The following IGSF11 variants were observed in gnomAD, a reference collection of about 807,000 sequenced individuals.
IGSF11 encodes CXADR like 1.
In IGSF11, 22 loss-of-function variants were observed where a neutral mutation model predicts 41.0. The ratio of observed to expected loss-of-function variants is 0.54; its 90% CI spans 0.38 to 0.77. IGSF11 has a LOEUF of 0.77. Ranked by LOEUF, IGSF11 falls within the 30% of genes least tolerant of loss-of-function variation. The pLI is 0.00. For synonymous variants in IGSF11, 219 were observed against 201.3 expected (o/e 1.09, Z -0.74); for missense variants, 444 against 530.8 (o/e 0.84, Z 1.61).
chr3:119,005,429 T>G (rs984404340), intron 1 of IGSF11, among the ~76,000 whole-genome samples: 89 of 151,400 alleles, frequency 5.9e-4, no homozygotes, highest in African/African-American at 2.1e-3. Context: ...CTCGCCAGTC[T>G]GTGTCTTTTA....
At chr3:119,021,655 C>T (rs1159384917) in intron 1 of IGSF11, among the ~76,000 whole-genome samples, 1 of 152,058 alleles carries the variant, frequency 6.6e-6, no homozygotes, top group Non-Finnish European at 1.5e-5. Context: ...TCCTTACCCC[C>T]GACTCTCATT....
At chr3:118,911,961 T>C (rs932165461) in intron 4 of IGSF11, among the ~76,000 whole-genome samples, 1 of 152,146 alleles carries the variant, frequency 6.6e-6, no homozygotes, top group Non-Finnish European at 1.5e-5. Context: ...CGAGAGATAA[T>C]CATCTCTCTT....
chr3:119,127,858 G>T (rs371359913), intron 1 of IGSF11, among the ~76,000 whole-genome samples: 1 of 152,142 alleles, frequency 6.6e-6, no homozygotes, highest in South Asian at 2.1e-4. Context: ...AAATGCTAAG[G>T]GATTTCATTA....
chr3:119,036,014 A>G (rs1017351566), upstream of IGSF11, among the ~76,000 whole-genome samples: 1 of 152,226 alleles, frequency 6.6e-6, no homozygotes, highest in Non-Finnish European at 1.5e-5. Context: ...AAGGATTGGA[A>G]GATATATGTA....
At chr3:119,132,878 AGCACAATCAAATTAAAACTT>A (rs1244538212) in intron 1 of IGSF11, among the ~76,000 whole-genome samples, 1 of 152,234 alleles carries the variant, frequency 6.6e-6, no homozygotes, top group Non-Finnish European at 1.5e-5. Flanking sequence ...CTCAGACCAC[AGCACAATCAAATTAAAACTT>A]AATACTAAGA....
At chr3:119,061,267 C>T (rs576349033) in intron 1 of IGSF11, among the ~76,000 whole-genome samples, 1 of 152,128 alleles carries the variant, frequency 6.6e-6, no homozygotes, top group Non-Finnish European at 1.5e-5. Flanking sequence ...CTTCTCAGTT[C>T]TATCTCTTAT....
At chr3:119,088,238 G>GAA (rs34566760) in intron 1 of IGSF11, among the ~76,000 whole-genome samples, 2 of 146,852 alleles carry the variant, frequency 1.4e-5, no homozygotes, top group African/African-American at 5.1e-5. Context: ...GGACCACGGT[G>GAA]AAAAAAAAAA....
At chr3:119,109,480 T>C (rs2077102880), upstream of IGSF11, among the ~76,000 whole-genome samples, 1 of 152,216 alleles carries the variant, frequency 6.6e-6, no homozygotes, top group Admixed American at 6.5e-5. Flanking sequence ...TCTTCTCTCT[T>C]TTTTTCTTTA....
At chr3:119,044,564 C>G (rs576444308) in intron 1 of IGSF11, among the ~76,000 whole-genome samples, 2 of 152,228 alleles carry the variant, frequency 1.3e-5, no homozygotes, top group East Asian at 1.9e-4. Context: ...CAAGGAACAC[C>G]TGGTAAGTTC....
At chr3:118,905,776 A>G in intron 4 of IGSF11, 58 bp from the exon 5 acceptor site, 1 of 1,595,268 alleles carries the variant, frequency 6.3e-7, no homozygotes, top group South Asian at 1.1e-5. Flanking sequence ...AAAACCAAAG[A>G]AATCAGCGGA....
chr3:119,107,762 C>G (rs1227123352), upstream of IGSF11, among the ~76,000 whole-genome samples: 6 of 151,904 alleles, frequency 3.9e-5, no homozygotes, highest in East Asian at 1.9e-4. Flanking sequence ...ATTAATTTTT[C>G]TATAAGGTGT....
intron 1 of IGSF11, among the ~76,000 whole-genome samples, chr3:119,100,080 ATTGT>A (rs766280297): frequency 6.6e-6 from 1 of 152,210 alleles, no homozygotes; most frequent in Non-Finnish European, 1.5e-5. Flanking sequence ...TAAAATATAA[ATTGT>A]TTATTTCTGG....
intron 1 of IGSF11, among the ~76,000 whole-genome samples, chr3:119,131,701 C>A (rs2077484113): frequency 1.3e-5 from 2 of 152,082 alleles, no homozygotes; most frequent in South Asian, 4.1e-4. Flanking sequence ...ATACAGAGAA[C>A]ACCACAAAGA....
intron 1 of IGSF11, among the ~76,000 whole-genome samples, chr3:119,009,729 C>T (rs72970440): frequency 0.02 from 3,096 of 152,218 alleles, 125 homozygotes; most frequent in African/African-American, 0.07. Context: ...CTTATCATTT[C>T]GCCTGATTAT....
At position 118,953,058 on chromosome 3, in the gene IGSF11, C is replaced by T. The variant is rs907060092; in HGVS notation, c.53-22783G>A. ...CTTTTATCCCGCATCCCCCTTCCAACCTTTCCCCACTTTCCCAAAGTCCAT... is the reference window on the plus strand; with the variant it reads ...CTTTTATCCCGCATCCCCCTTCCAATCTTTCCCCACTTTCCCAAAGTCCAT... On this transcript the variant is annotated intron_variant, in intron 1 of 6. Transcript: ENST00000393775. 2.0e-5 allele frequency among the ~76,000 whole-genome samples: 3 copies of T among 151,988 alleles called. 1 individual carries two copies. Among genetic ancestry groups the T allele is most frequent in the African/African-American group, 7.2e-5 (3 of 41,398 alleles).
chr3:119,133,189 T>C (rs2077508516), intron 1 of IGSF11, among the ~76,000 whole-genome samples: 2 of 151,978 alleles, frequency 1.3e-5, no homozygotes, highest in Non-Finnish European at 2.9e-5. Context: ...ATTCAAAAGC[T>C]AGCAAAAGGT....
At chr3:119,074,621 C>T (rs369234812) in intron 1 of IGSF11, among the ~76,000 whole-genome samples, 12 of 150,872 alleles carry the variant, frequency 8.0e-5, no homozygotes, top group African/African-American at 2.2e-4. Flanking sequence ...TTTGGGAGGC[C>T]GAGGCAGGTG....
intron 4 of IGSF11, among the ~76,000 whole-genome samples, chr3:118,912,543 T>A (rs1486522833): frequency 1.3e-5 from 2 of 152,126 alleles, no homozygotes; most frequent in African/African-American, 4.8e-5. Context: ...CCCTTTCCTG[T>A]TTTGCTCATC....
At chr3:119,121,155 C>A (rs946962896) in intron 1 of IGSF11, among the ~76,000 whole-genome samples, 15 of 151,700 alleles carry the variant, frequency 9.9e-5, no homozygotes, top group African/African-American at 3.1e-4. Context: ...AAAATTATGA[C>A]ACTTATGAAA....
Sources: gnomAD v4.1 joint callset for allele counts (sites outside exome capture counted in the v4.1 genomes callset) on GRCh38, gnomAD v4.1.1 for gene constraint, MANE v1.5 for transcripts, NCBI Gene and HGNC (gene_info 2026-07-23, HGNC 2026-07-21) for gene names.